The following AP2B1 variants were observed in gnomAD, a reference collection of about 807,000 sequenced individuals.
AP2B1 encodes AP-2 complex subunit beta.
Under a neutral mutation model 102.0 loss-of-function variants are expected in AP2B1, and 23 were observed. The observed-to-expected ratio is 0.23, with a 90% CI of 0.16 to 0.32. AP2B1 has a LOEUF of 0.32. AP2B1 is among the 10% of genes least tolerant of loss of function. The probability of loss-of-function intolerance (pLI) is 1.00; values close to 1 mark genes in which losing one functional copy is unlikely to be tolerated. For synonymous variants in AP2B1, 381 were observed against 421.2 expected (o/e 0.90, Z 1.17); for missense variants, 541 against 1,157.4 (o/e 0.47, Z 7.73).
chr17:35,604,168 C>T (rs117414856), intron 3 of AP2B1, among the ~76,000 whole-genome samples: 9,522 of 152,094 alleles, frequency 0.063, 413 homozygotes, highest in Middle Eastern at 0.11. Context: ...TGTGCAGTGG[C>T]ATGTTCGTGG....
chr17:35,587,913 C>T (rs1050101573), intron 1 of AP2B1: 6 of 152,162 alleles, frequency 3.9e-5, no homozygotes, highest in African/African-American at 1.4e-4. Context: ...AACCTCTTCC[C>T]TGCTCCGTAA....
rs1181726984 is a variant in AP2B1 at position 35,593,489 on chromosome 17, T to C, written c.-23-519T>C. Among the ~76,000 whole-genome samples the C allele has an allele frequency of 2.6e-5, 4 of 152,266 alleles. No individual in the cohort carries two copies. In the South Asian group the frequency reaches 6.2e-4, roughly 24 times the overall value. Reference sequence around the variant, plus strand: ...CATAAGTCATGGTTGCCTCTCTAGATGTTTGTTGTGAAAGAATATTGTCCT... The same window carrying C: ...CATAAGTCATGGTTGCCTCTCTAGACGTTTGTTGTGAAAGAATATTGTCCT... On this transcript the variant is annotated intron_variant, in intron 1 of 21. Transcript: ENST00000610402.
At chr17:35,637,181 A>T (rs1163367355) in intron 10 of AP2B1, among the ~76,000 whole-genome samples, 1 of 152,166 alleles carries the variant, frequency 6.6e-6, no homozygotes, top group East Asian at 1.9e-4. Context: ...CCTTACACTC[A>T]TAGAGCTTCT....
intron 13 of AP2B1, 152 bp downstream of exon 13, chr17:35,650,941 GGACAC>G: frequency 1.2e-6 from 1 of 830,124 alleles, no homozygotes; most frequent in Non-Finnish European, 1.9e-6. Flanking sequence ...GTACATTTTT[GGACAC>G]CTACTACTAT....
At chr17:35,708,453 A>T (rs2076387133) in intron 18 of AP2B1, among the ~76,000 whole-genome samples, 1 of 151,906 alleles carries the variant, frequency 6.6e-6, no homozygotes, top group Non-Finnish European at 1.5e-5. Flanking sequence ...AAAAAAAAAC[A>T]AACAAACAGG....
intron 11 of AP2B1, among the ~76,000 whole-genome samples, chr17:35,640,028 T>C (rs9891574): frequency 0.23 from 34,968 of 150,008 alleles, 4,300 homozygotes; most frequent in East Asian, 0.35. Flanking sequence ...GCGATTCTCC[T>C]GCTTCAGCCT....
intron 18 of AP2B1, among the ~76,000 whole-genome samples, chr17:35,699,361 A>G (rs1020769260): frequency 1.3e-5 from 2 of 152,202 alleles, no homozygotes; most frequent in Non-Finnish European, 2.9e-5. Context: ...AATTTTCCCT[A>G]TAAAGGGTTC....
chr17:35,608,435 C>A (rs530816215), intron 5 of AP2B1, 48 bp downstream of exon 5: 2 of 1,606,042 alleles, frequency 1.2e-6, no homozygotes, highest in African/African-American at 2.7e-5. Context: ...AAAATGAGTC[C>A]CTTGTTAAAG....
intron 2 of AP2B1, among the ~76,000 whole-genome samples, chr17:35,595,243 T>C (rs1050607683): frequency 1.3e-5 from 2 of 152,152 alleles, no homozygotes; most frequent in East Asian, 1.9e-4. Flanking sequence ...GGTGTGAGGA[T>C]TTTAAAGGTT....
chr17:35,640,614 C>T (rs2074751957), intron 11 of AP2B1, among the ~76,000 whole-genome samples: 1 of 152,194 alleles, frequency 6.6e-6, no homozygotes, highest in Non-Finnish European at 1.5e-5. Context: ...GCATTATTAA[C>T]ACCTGGGGGG....
At chr17:35,619,374 G>T (rs1056604584) in intron 5 of AP2B1, among the ~76,000 whole-genome samples, 1 of 152,062 alleles carries the variant, frequency 6.6e-6, no homozygotes, top group Non-Finnish European at 1.5e-5. Context: ...TGGGTATGGT[G>T]GTTCACACCT....
chr17:35,651,283 T>TAAA (rs58170702), intron 13 of AP2B1, among the ~76,000 whole-genome samples: 1 of 149,306 alleles, frequency 6.7e-6, no homozygotes, highest in African/African-American at 2.5e-5. Flanking sequence ...TTGTTTTATT[T>TAAA]AAAAAAAAAA....
chr17:35,606,389 G>A (rs557271952), intron 4 of AP2B1, among the ~76,000 whole-genome samples: 33 of 151,874 alleles, frequency 2.2e-4, no homozygotes, highest in Middle Eastern at 3.4e-3. Flanking sequence ...ACAGGTGACC[G>A]TCACCATGCC....
intron 2 of AP2B1, chr17:35,597,122 A>G (rs1238082116): frequency 3.9e-6 from 2 of 513,084 alleles, no homozygotes; most frequent in Non-Finnish European, 3.6e-6. Context: ...GACCTCCGGA[A>G]GCGGAGACTG....
At chr17:35,617,036 C>G (rs16971217) in intron 5 of AP2B1, among the ~76,000 whole-genome samples, 32,426 of 152,124 alleles carry the variant, frequency 0.21, 3,605 homozygotes, top group East Asian at 0.34. Flanking sequence ...GAGTAAGCCC[C>G]TAATAATAAC....
In AP2B1 at chr17:35,674,885, C is replaced by T. The variant is rs1301522738; in HGVS notation, c.2324+564C>T. Among the ~76,000 whole-genome samples the T allele has an allele frequency of 7.2e-5, 11 of 152,138 alleles. No individual in the cohort carries two copies. In the East Asian group the frequency reaches 7.7e-4, roughly 11 times the overall value. ...ACTATCTTGGATTCTAGGATTAGAACGTTTTTGATAAATTTTTAACTGAAA... is the reference window on the plus strand; with the variant it reads ...ACTATCTTGGATTCTAGGATTAGAATGTTTTTGATAAATTTTTAACTGAAA... On this transcript the variant is annotated intron_variant, in intron 17 of 21. Coordinates refer to ENST00000610402, the MANE Select transcript of AP2B1 (RefSeq NM_001030006.2).
At chr17:35,720,569 ATATATTTTTTT>A (rs1265598433) in intron 21 of AP2B1, among the ~76,000 whole-genome samples, 170 of 50,278 alleles carry the variant, frequency 3.4e-3, no homozygotes, top group African/African-American at 0.012. Flanking sequence ...ATATATATAT[ATATATTTTTTT>A]TTTTTTTTTT....
At chr17:35,683,594 T>G (rs1409195283) in intron 18 of AP2B1, among the ~76,000 whole-genome samples, 4 of 152,198 alleles carry the variant, frequency 2.6e-5, no homozygotes, top group African/African-American at 9.7e-5. Flanking sequence ...GTCGAATTTT[T>G]TAGAATGCTT....
chr17:35,689,273 G>A (rs780646926), intron 18 of AP2B1, among the ~76,000 whole-genome samples: 3 of 152,050 alleles, frequency 2.0e-5, no homozygotes, highest in Non-Finnish European at 2.9e-5. Flanking sequence ...TCTGCCTCCC[G>A]GGTTCAAGTG....
Sources: allele counts gnomAD v4.1 joint callset (sites outside exome capture counted in the v4.1 genomes callset), GRCh38; gene constraint gnomAD v4.1.1; transcripts MANE v1.5; gene names NCBI Gene and HGNC (gene_info 2026-07-23, HGNC 2026-07-21).